The following ROBO2 variants were observed in gnomAD, a reference collection of about 807,000 sequenced individuals.
The protein encoded by ROBO2 is roundabout homolog 2.
Under a neutral mutation model 160.8 loss-of-function variants are expected in ROBO2, and 53 were observed. That is an observed-to-expected ratio of 0.33 (90% CI 0.26 to 0.41). The LOEUF (loss-of-function observed/expected upper bound fraction) is 0.41. ROBO2 is among the 10% of genes least tolerant of loss of function. ROBO2 has a pLI of 1.00. For missense variants in ROBO2, 1,577 were observed against 1,722.4 expected (o/e 0.92, Z 1.49); for synonymous variants, 664 against 611.7 (o/e 1.09, Z -1.26).
chr3:77,310,652 G>C (rs1447389035), intron 2 of ROBO2, among the ~76,000 whole-genome samples: 2 of 152,006 alleles, frequency 1.3e-5, no homozygotes, highest in African/African-American at 4.8e-5. Context: ...TAAATGGTAT[G>C]GTGCAAAGCT....
In ROBO2 at chr3:77,277,904, AAT is replaced by A. The variant is rs146125981; in HGVS notation, c.388+179566_388+179567del. Reference sequence around the variant, plus strand: ...CCACACCATCTTCCACAATGCTGGAAATAATTTACGTTACCACCAACAGTGTA... The same window carrying A: ...CCACACCATCTTCCACAATGCTGGAAAATTTACGTTACCACCAACAGTGTA... On this transcript the variant is annotated intron_variant, in intron 2 of 25. Coordinates refer to ENST00000461745, the Ensembl canonical transcript of ROBO2. Among the ~76,000 whole-genome samples the A allele has an allele frequency of 9.5e-3, 1,447 of 152,294 alleles. 20 individuals carry two copies. Among genetic ancestry groups the A allele is most frequent in the African/African-American group, 0.033 (1,387 of 41,554 alleles).
intron 2 of ROBO2, among the ~76,000 whole-genome samples, chr3:77,187,256 A>G (rs2081368492): frequency 6.6e-6 from 1 of 151,950 alleles, no homozygotes; most frequent in African/African-American, 2.4e-5. Flanking sequence ...TTAACTTGAA[A>G]CTGGCCATTC....
At chr3:76,444,611 CTCAG>C (rs2077079954) in intron 2 of ROBO2, among the ~76,000 whole-genome samples, 1 of 152,106 alleles carries the variant, frequency 6.6e-6, no homozygotes, top group African/African-American at 2.4e-5. Context: ...TTCGTGAGAA[CTCAG>C]TCACTATCAT....
chr3:77,553,152 T>C (rs2092980818), intron 8 of ROBO2, among the ~76,000 whole-genome samples: 1 of 151,956 alleles, frequency 6.6e-6, no homozygotes, highest in Non-Finnish European at 1.5e-5. Context: ...ATTTTGGTAA[T>C]TCTCACAGTA....
At position 76,087,256 on chromosome 3, in the gene ROBO2, TA is replaced by T. The variant is rs2069050922; in HGVS notation, c.109+149659del. ...GAAAATGAAAGGCAAAGAAAAAATC[TA>T]AAAAGATGCCAGATTTTTAAAATAC... On this transcript the variant is annotated intron_variant, in intron 2 of 26. Coordinates refer to the ROBO2 transcript ENST00000487694. Among the ~76,000 whole-genome samples the T allele has an allele frequency of 1.3e-4, 19 of 151,978 alleles. No individual in the cohort carries two copies. The South Asian group carries it at 3.9e-3, about 32-fold the overall frequency.
intron 2 of ROBO2, among the ~76,000 whole-genome samples, chr3:77,171,836 A>G (rs2079670955): frequency 6.6e-6 from 1 of 152,238 alleles, no homozygotes; most frequent in Admixed American, 6.5e-5. Flanking sequence ...AAATAAGTTT[A>G]AAGAAAAAGA....
chr3:76,166,871 A>AC (rs1433035798), intron 2 of ROBO2, among the ~76,000 whole-genome samples: 1 of 152,134 alleles, frequency 6.6e-6, no homozygotes, highest in Non-Finnish European at 1.5e-5. Flanking sequence ...AGTTGGCCTG[A>AC]CATGTGCACT....
In ROBO2 at chr3:76,252,870, G is replaced by A. The variant is rs923595982; in HGVS notation, c.109+315268G>A. On this transcript the variant is annotated intron_variant, in intron 2 of 26. Transcript: ENST00000487694. Reference sequence around the variant, plus strand: ...TGTGAAGACTGGCAAGTAGCCTCTAGGGGAGGCCTACAGGCTGGAAACTCG... The same window carrying A: ...TGTGAAGACTGGCAAGTAGCCTCTAAGGGAGGCCTACAGGCTGGAAACTCG... Among the ~76,000 whole-genome samples, 3 of 151,546 alleles carry A rather than the reference G, an allele frequency of 2.0e-5. No individual in the cohort carries two copies. The East Asian group carries it at 5.8e-4, about 29-fold the overall frequency.
intron 2 of ROBO2, among the ~76,000 whole-genome samples, chr3:76,190,212 T>TG (rs2107171609): frequency 6.6e-6 from 1 of 152,244 alleles, no homozygotes; most frequent in South Asian, 2.1e-4. Context: ...AACAAAAACT[T>TG]GGTTTGAATA....
intron 2 of ROBO2, among the ~76,000 whole-genome samples, chr3:76,686,073 G>C (rs1009215420): frequency 2.0e-5 from 3 of 152,020 alleles, no homozygotes; most frequent in Non-Finnish European, 4.4e-5. Context: ...GAAAGCATGC[G>C]ATAGCCATCC....
intron 2 of ROBO2, among the ~76,000 whole-genome samples, chr3:77,370,296 G>A (rs1441520766): frequency 6.6e-6 from 1 of 152,212 alleles, no homozygotes; most frequent in African/African-American, 2.4e-5. Flanking sequence ...TGCTTGAAAC[G>A]GAATTCACAT....
At chr3:76,036,134 G>A (rs553257800) in intron 2 of ROBO2, among the ~76,000 whole-genome samples, 5 of 151,880 alleles carry the variant, frequency 3.3e-5, no homozygotes, top group African/African-American at 1.2e-4. Flanking sequence ...TTGTGCATTT[G>A]GAGGTTAGAA....
chr3:76,956,804 T>C (rs1487973190), intron 2 of ROBO2, among the ~76,000 whole-genome samples: 1 of 152,010 alleles, frequency 6.6e-6, no homozygotes, highest in East Asian at 1.9e-4. Context: ...TCAGAACCAC[T>C]GAATCAAAAT....
upstream of ROBO2, among the ~76,000 whole-genome samples, chr3:77,037,807 A>G (rs115803521): frequency 8.5e-3 from 1,300 of 152,298 alleles, 14 homozygotes; most frequent in African/African-American, 0.029. Context: ...AAATCCTCCA[A>G]TGTCTTCCTT....
At chr3:77,564,827 C>T in intron 11 of ROBO2, 127 bp from the exon 13 acceptor site, 2 of 838,278 alleles carry the variant, frequency 2.4e-6, no homozygotes, top group Non-Finnish European at 4.0e-6. Context: ...GGGCTGAATA[C>T]TTCAAGTGTT....
intron 2 of ROBO2, among the ~76,000 whole-genome samples, chr3:76,494,570 G>C (rs2080032705): frequency 6.6e-6 from 1 of 152,140 alleles, no homozygotes; most frequent in East Asian, 1.9e-4. Context: ...TTTTCATTGT[G>C]GTATAGGGAG....
At chr3:76,104,403 G>T (rs1366181830) in intron 2 of ROBO2, among the ~76,000 whole-genome samples, 3 of 152,144 alleles carry the variant, frequency 2.0e-5, no homozygotes, top group Admixed American at 6.5e-5. Context: ...AAAGAAGAGG[G>T]TGGTAGATAG....
At chr3:76,221,630 C>A (rs749906006) in intron 2 of ROBO2, among the ~76,000 whole-genome samples, 1 of 152,172 alleles carries the variant, frequency 6.6e-6, no homozygotes, top group Non-Finnish European at 1.5e-5. Flanking sequence ...TAAGGTATTG[C>A]GATCTAGCTG....
At chr3:77,501,475 A>G (rs2087595783) in intron 5 of ROBO2, among the ~76,000 whole-genome samples, 1 of 152,206 alleles carries the variant, frequency 6.6e-6, no homozygotes, top group South Asian at 2.1e-4. Context: ...ACTGTAACAT[A>G]AGGCTGAAAG....
Sources: allele counts gnomAD v4.1 joint callset (sites outside exome capture counted in the v4.1 genomes callset), GRCh38; gene constraint gnomAD v4.1.1; transcripts MANE v1.5; gene names NCBI Gene and HGNC (gene_info 2026-07-23, HGNC 2026-07-21).